Variants in TCF7L1 observed in about 807,000 individuals in gnomAD.
TCF7L1 encodes the protein transcription factor 7-like 1.
Under a neutral mutation model 63.7 loss-of-function variants are expected in TCF7L1, and 18 were observed. The ratio of observed to expected loss-of-function variants is 0.28; its 90% CI spans 0.20 to 0.42. The LOEUF is 0.42. Among genes scored for constraint, TCF7L1 ranks in the 10% least tolerant of loss-of-function variants. The pLI is 1.00. For synonymous variants in TCF7L1, 355 were observed against 340.9 expected (o/e 1.04, Z -0.46); for missense variants, 654 against 779.3 (o/e 0.84, Z 1.91).
At chr2:85,189,624 C>G (rs1679001315) in intron 3 of TCF7L1, among the ~76,000 whole-genome samples, 1 of 152,200 alleles carries the variant, frequency 6.6e-6, no homozygotes. Flanking sequence ...GAAGTCTTCA[C>G]ACTGCTCTTT....
chr2:85,281,735 C>T (rs928128898), intron 3 of TCF7L1, among the ~76,000 whole-genome samples: 1 of 152,160 alleles, frequency 6.6e-6, no homozygotes, highest in African/African-American at 2.4e-5. Flanking sequence ...CCGCGCCAGG[C>T]CTGCTTGGCC....
chr2:85,165,942 G>A (rs1308661915), intron 3 of TCF7L1, among the ~76,000 whole-genome samples: 6 of 152,186 alleles, frequency 3.9e-5, no homozygotes, highest in African/African-American at 1.4e-4. Flanking sequence ...TTGTGTGTGT[G>A]TGTAGTTTGT....
chr2:85,286,225 C>T (rs1387751007), intron 4 of TCF7L1, among the ~76,000 whole-genome samples: 6 of 149,778 alleles, frequency 4.0e-5, no homozygotes, highest in African/African-American at 9.8e-5. Flanking sequence ...CGTGGTGGTA[C>T]GCGCCTGTAA....
At chr2:85,186,409 G>C (rs1339818283) in intron 3 of TCF7L1, 1 of 152,050 alleles carries the variant, frequency 6.6e-6, no homozygotes, top group Non-Finnish European at 1.5e-5. Context: ...GAATGGGACA[G>C]GCAGCCATGG....
chr2:85,224,286 T>C (rs545278000), intron 3 of TCF7L1, among the ~76,000 whole-genome samples: 1 of 152,356 alleles, frequency 6.6e-6, no homozygotes, highest in South Asian at 2.1e-4. Flanking sequence ...TGATTTATAA[T>C]CCTTTGAGTA....
intron 4 of TCF7L1, among the ~76,000 whole-genome samples, chr2:85,290,815 G>A (rs1445373677): frequency 6.6e-6 from 1 of 152,206 alleles, no homozygotes; most frequent in Non-Finnish European, 1.5e-5. Context: ...AAGGCAGTCT[G>A]CTAGCAGAGT....
chr2:85,179,811 A>T (rs1001087871), intron 3 of TCF7L1, among the ~76,000 whole-genome samples: 5 of 152,198 alleles, frequency 3.3e-5, no homozygotes, highest in African/African-American at 1.2e-4. Context: ...GCAAGTGCAT[A>T]AAAAAGATTT....
At chr2:85,153,340 A>ATATTTTTTTTTTTTTTTTTTTTTTT (rs750002994) in intron 3 of TCF7L1, among the ~76,000 whole-genome samples, 5 of 102,268 alleles carry the variant, frequency 4.9e-5, no homozygotes, top group African/African-American at 2.1e-4. Context: ...GCCTTTATAA[A>ATATTTTTTTTTTTTTTTTTTTTTTT]TTTTTTTTTT....
intron 3 of TCF7L1, among the ~76,000 whole-genome samples, chr2:85,183,223 A>G (rs1223358314): frequency 6.6e-6 from 1 of 152,152 alleles, no homozygotes; most frequent in Non-Finnish European, 1.5e-5. Flanking sequence ...TGGATGGGCA[A>G]GTCAGCCAAG....
chr2:85,243,245 G>T (rs1250899430), intron 3 of TCF7L1, among the ~76,000 whole-genome samples: 1 of 152,186 alleles, frequency 6.6e-6, no homozygotes, highest in East Asian at 1.9e-4. Flanking sequence ...TTGTGTTTTT[G>T]ATGAAAGGTA....
intron 3 of TCF7L1, among the ~76,000 whole-genome samples, chr2:85,189,375 C>T (rs939628025): frequency 6.6e-6 from 1 of 152,378 alleles, no homozygotes; most frequent in Non-Finnish European, 1.5e-5. Context: ...GTCAGGAATG[C>T]TGCTTACAGA....
At chr2:85,253,753 T>C (rs1455964312) in intron 3 of TCF7L1, among the ~76,000 whole-genome samples, 2 of 152,210 alleles carry the variant, frequency 1.3e-5, no homozygotes, top group African/African-American at 4.8e-5. Context: ...CCAGGCCCTG[T>C]GCATGCTAAG....
At chr2:85,157,629 A>G (rs555896629) in intron 3 of TCF7L1, among the ~76,000 whole-genome samples, 11 of 152,360 alleles carry the variant, frequency 7.2e-5, no homozygotes, top group Admixed American at 2.0e-4. Context: ...GTTCCTTCCA[A>G]TAGTTGCATT....
chr2:85,134,412 C>A lies in TCF7L1; in HGVS notation c.403C>A (p.Leu135Ile). 1 of 1,565,028 alleles carries A rather than the reference C, an allele frequency of 6.4e-7. No individual in the cohort carries two copies. Among genetic ancestry groups the A allele is most frequent in the Non-Finnish European group, 8.7e-7 (1 of 1,154,304 alleles). ...LMIPDLSSPY[L>I]SNGPLSPGGA... is the part of the protein sequence containing the mutation. ...GATCCCGGACCTGAGCAGCCCGTACCTCTCCAACGGACCCCTGTCTCCCGG... is the reference window on the plus strand; with the variant it reads ...GATCCCGGACCTGAGCAGCCCGTACATCTCCAACGGACCCCTGTCTCCCGG... Residue 135 changes from leucine to isoleucine, a missense_variant, in exon 3 of 12, where the codon CTC becomes ATC. Transcript: ENST00000282111. The surrounding 1 kb of genome is among the most constrained non-coding windows in gnomAD (Gnocchi z 5.0).
intron 3 of TCF7L1, among the ~76,000 whole-genome samples, chr2:85,189,874 G>A (rs183186133): frequency 6.6e-6 from 1 of 152,356 alleles, no homozygotes; most frequent in African/African-American, 2.4e-5. Flanking sequence ...GTTTGGAGAA[G>A]CCCAGGGCCC....
intron 3 of TCF7L1, among the ~76,000 whole-genome samples, chr2:85,168,943 A>T (rs527356282): frequency 1.3e-5 from 2 of 152,206 alleles, no homozygotes; most frequent in South Asian, 2.1e-4. Flanking sequence ...TTGAAACTAA[A>T]CTTGTGGCAG....
chr2:85,233,359 A>G (rs1680124822), intron 3 of TCF7L1, among the ~76,000 whole-genome samples: 1 of 146,440 alleles, frequency 6.8e-6, no homozygotes, highest in Non-Finnish European at 1.5e-5. Context: ...CTCTGTTGCC[A>G]GGCTGGAATG....
Position 85,283,265 on chromosome 2 carries a change from T to TC in TCF7L1, c.442-220dup, listed in dbSNP as rs35610133. Reference sequence around the variant, plus strand: ...AAGTTCAGCTTAGTTGTCATTCGTGTCCCCCCCCCCAAAATGACATAGGGC... The same window carrying TC: ...AAGTTCAGCTTAGTTGTCATTCGTGTCCCCCCCCCCCAAAATGACATAGGGC... On this transcript the variant is annotated intron_variant, in intron 3 of 11. Coordinates refer to ENST00000282111, the MANE Select transcript of TCF7L1 (RefSeq NM_031283.3). 6.6e-3 allele frequency among the ~76,000 whole-genome samples: 725 copies of TC among 109,828 alleles called. 14 individuals carry two copies. Among genetic ancestry groups the TC allele is most frequent in the African/African-American group, 0.019 (608 of 32,412 alleles). 72.1% of individuals were successfully genotyped at this position (109,828 alleles called of 152,430 possible).
At position 85,309,786 on chromosome 2, in the gene TCF7L1, C is replaced by T. The variant is rs1373587716; in HGVS notation, c.*324C>T. On this transcript the variant is annotated 3_prime_UTR_variant, in exon 12 of 12. Transcript: ENST00000282111. ...CTCTTACCTCTCTTGCACTTTCTGT[C>T]TCCTGTCTCTTCTCGCCCCTGCCGC... 4 of 271,548 alleles carry T rather than the reference C, an allele frequency of 1.5e-5. No homozygotes were observed. The highest frequency in any genetic ancestry group is 2.7e-5 in the Non-Finnish European group (4 of 145,588). 16.8% of individuals were successfully genotyped at this position (271,548 alleles called of 1,614,324 possible).
Sources: allele counts gnomAD v4.1 joint callset (sites outside exome capture counted in the v4.1 genomes callset), GRCh38; gene constraint gnomAD v4.1.1; non-coding constraint Gnocchi (gnomAD v3.1); transcripts MANE v1.5; gene names NCBI Gene and HGNC (gene_info 2026-07-23, HGNC 2026-07-21).